Variants in ULK4 observed in about 807,000 individuals in gnomAD.
ULK4 encodes the protein unc-51 like kinase 4, also known as inactive serine/threonine-protein kinase ULK4.
Under a neutral mutation model 160.6 loss-of-function variants are expected in ULK4, and 133 were observed. The ratio of observed to expected loss-of-function variants is 0.83; its 90% CI spans 0.72 to 0.96. The LOEUF is 0.96. Ranked by LOEUF, ULK4 falls within the 40% of genes least tolerant of loss-of-function variation. The pLI is 0.00. For missense variants in ULK4, 1,580 were observed against 1,499.5 expected, an observed-to-expected ratio of 1.05 and a Z score of -0.89; for synonymous variants, 534 against 539.8, an observed-to-expected ratio of 0.99 and a Z score of 0.15.
intron 34 of ULK4, among the ~76,000 whole-genome samples, chr3:41,415,431 A>G (rs2082502450): frequency 6.6e-6 from 1 of 151,720 alleles, no homozygotes; most frequent in Non-Finnish European, 1.5e-5. Context: ...CCTACAATCC[A>G]TTTTCCCCAT....
At chr3:41,435,837 C>T (rs1019823324) in intron 34 of ULK4, among the ~76,000 whole-genome samples, 2 of 152,112 alleles carry the variant, frequency 1.3e-5, no homozygotes, top group Non-Finnish European at 2.9e-5. Context: ...ATCCCAACTA[C>T]TCAGGAGGCT....
intron 32 of ULK4, among the ~76,000 whole-genome samples, chr3:41,562,379 A>G (rs9838183): frequency 0.84 from 127,113 of 152,070 alleles, 54,649 homozygotes; most frequent in Middle Eastern, 0.94. Context: ...TATTAGGTCC[A>G]CTTGGTGCAG....
chr3:41,765,161 A>G (rs2039116992), intron 21 of ULK4, among the ~76,000 whole-genome samples: 1 of 152,230 alleles, frequency 6.6e-6, no homozygotes, highest in South Asian at 2.1e-4. Flanking sequence ...ACCAACCCAA[A>G]TGTCCATCAA....
chr3:41,599,437 T>G (rs1452468936), intron 31 of ULK4, among the ~76,000 whole-genome samples: 1 of 152,200 alleles, frequency 6.6e-6, no homozygotes, highest in Non-Finnish European at 1.5e-5. Flanking sequence ...TTTCAGGGAT[T>G]AGGGCATGGA....
intron 35 of ULK4, among the ~76,000 whole-genome samples, chr3:41,343,805 A>C (rs1291595257): frequency 6.6e-6 from 1 of 152,224 alleles, no homozygotes; most frequent in African/African-American, 2.4e-5. Flanking sequence ...GAAGTGAAGA[A>C]CCTTTTCAAG....
At chr3:41,297,185 G>A (rs529758691) in intron 35 of ULK4, among the ~76,000 whole-genome samples, 8 of 152,344 alleles carry the variant, frequency 5.3e-5, no homozygotes, top group Admixed American at 4.6e-4. Flanking sequence ...GTGAGCGCCT[G>A]CTGTGCATCA....
intron 22 of ULK4, among the ~76,000 whole-genome samples, chr3:41,748,257 A>T (rs2038488739): frequency 6.6e-6 from 1 of 151,050 alleles, no homozygotes; most frequent in African/African-American, 2.4e-5. Flanking sequence ...TATAGAGATC[A>T]TATATATATA....
chr3:41,932,110 C>T, intron 4 of ULK4, 104 bp from the exon 5 acceptor site: 1 of 972,350 alleles, frequency 1.0e-6, no homozygotes, highest in Non-Finnish European at 1.4e-6. Context: ...CATTGCTATT[C>T]TTTATCAGAA....
intron 17 of ULK4, among the ~76,000 whole-genome samples, chr3:41,873,584 C>CT (rs1007657719): frequency 4.9e-4 from 75 of 152,264 alleles, no homozygotes; most frequent in African/African-American, 1.7e-3. Context: ...GATGGAGTCT[C>CT]ACTCTGTCGC....
intron 3 of ULK4, among the ~76,000 whole-genome samples, chr3:41,936,847 T>TATTG (rs1699791840): frequency 6.6e-6 from 1 of 152,160 alleles, no homozygotes; most frequent in Admixed American, 6.6e-5. Context: ...AAAACTAGTA[T>TATTG]TTGATAGTAC....
intron 31 of ULK4, among the ~76,000 whole-genome samples, chr3:41,566,570 A>G (rs749471052): frequency 6.6e-6 from 1 of 152,214 alleles, no homozygotes; most frequent in Non-Finnish European, 1.5e-5. Flanking sequence ...CTGATTTATT[A>G]CTGCTTTAGT....
intron 18 of ULK4, among the ~76,000 whole-genome samples, chr3:41,834,059 T>C (rs2041681267): frequency 6.6e-6 from 1 of 151,000 alleles, no homozygotes; most frequent in Non-Finnish European, 1.5e-5. Context: ...AATATTTATA[T>C]TAAATTACAC....
intron 17 of ULK4, among the ~76,000 whole-genome samples, chr3:41,871,688 A>G (rs567820418): frequency 1.3e-5 from 2 of 152,248 alleles, no homozygotes; most frequent in East Asian, 3.9e-4. Flanking sequence ...TTCTAATCGA[A>G]TATTTTTTGC....
At chr3:41,281,113 T>C (rs993878861) in intron 35 of ULK4, among the ~76,000 whole-genome samples, 9 of 152,116 alleles carry the variant, frequency 5.9e-5, no homozygotes, top group East Asian at 3.9e-4. Context: ...CAGGAAGAAG[T>C]TGAATCTCTG....
chr3:41,538,489 T>C (rs536112004), intron 32 of ULK4, among the ~76,000 whole-genome samples: 1 of 152,174 alleles, frequency 6.6e-6, no homozygotes, highest in Non-Finnish European at 1.5e-5. Context: ...CTCTGCTTCT[T>C]AGAAGCACTT....
intron 19 of ULK4, among the ~76,000 whole-genome samples, chr3:41,812,284 C>G (rs2040841331): frequency 6.6e-6 from 1 of 152,030 alleles, no homozygotes; most frequent in Non-Finnish European, 1.5e-5. Context: ...GACCCTGTCT[C>G]AAAAACAAAC....
intron 30 of ULK4, among the ~76,000 whole-genome samples, chr3:41,619,651 C>T (rs2033146585): frequency 6.6e-6 from 1 of 151,742 alleles, no homozygotes; most frequent in Non-Finnish European, 1.5e-5. Context: ...CAAATGCCCA[C>T]AGGAAAAAAA....
intron 17 of ULK4, among the ~76,000 whole-genome samples, chr3:41,847,880 G>A (rs1412666981): frequency 6.6e-6 from 1 of 152,124 alleles, no homozygotes; most frequent in Non-Finnish European, 1.5e-5. Flanking sequence ...AAAAGAAAAT[G>A]GACATACTGA....
intron 17 of ULK4, among the ~76,000 whole-genome samples, chr3:41,870,214 G>A (rs559867193): frequency 9.9e-5 from 15 of 152,262 alleles, no homozygotes; most frequent in African/African-American, 2.9e-4. Context: ...GTCAGGGTTC[G>A]GTGTGATTCT....
Sources: allele counts gnomAD v4.1 joint callset (sites outside exome capture counted in the v4.1 genomes callset), GRCh38; gene constraint gnomAD v4.1.1; transcripts MANE v1.5; gene names NCBI Gene and HGNC (gene_info 2026-07-23, HGNC 2026-07-21).